Variants in CDCA8 observed in about 807,000 individuals in gnomAD.
CDCA8 encodes the protein cell division cycle associated 8.
In CDCA8, 25 loss-of-function variants were observed where a neutral mutation model predicts 40.0. The observed-to-expected ratio is 0.63, with a 90% CI of 0.46 to 0.87. CDCA8 has a LOEUF of 0.87. Ranked by LOEUF, CDCA8 falls within the 40% of genes least tolerant of loss-of-function variation. CDCA8 has a pLI of 0.00. For synonymous variants in CDCA8, 111 were observed against 126.5 expected, an observed-to-expected ratio of 0.88 and a Z score of 0.82; for missense variants, 280 against 348.4, an observed-to-expected ratio of 0.80 and a Z score of 1.56.
At chr1:37,706,690 G>A (rs1017706898) in intron 8 of CDCA8, among the ~76,000 whole-genome samples, 2 of 152,226 alleles carry the variant, frequency 1.3e-5, no homozygotes, top group Non-Finnish European at 2.9e-5. Context: ...TGCATGGAGC[G>A]AGTTGCTGAC....
In CDCA8 at chr1:37,708,393, T is replaced by C; in HGVS notation, c.*27T>C. 6.2e-7 allele frequency: 1 copy of C among 1,608,826 alleles called. No homozygotes were observed. Among genetic ancestry groups the C allele is most frequent in the Non-Finnish European group, 8.5e-7 (1 of 1,175,178 alleles). ...ACACCAAAGTTGACAGGATGGACTT[T>C]TAATGGGCACTTCTGGGACCCTGAA... On this transcript the variant is annotated 3_prime_UTR_variant, in exon 10 of 10. Transcript: ENST00000373055.
At chr1:37,702,744 G>T (rs1474676287) in intron 6 of CDCA8, among the ~76,000 whole-genome samples, 1 of 152,100 alleles carries the variant, frequency 6.6e-6, no homozygotes, top group Non-Finnish European at 1.5e-5. Flanking sequence ...TTGAGGTCAG[G>T]AGTTTGAGAC....
rs1645474077 is a variant in CDCA8 at position 37,692,611 on chromosome 1, C to T, written c.-80C>T. 1 of 1,156,314 alleles carries T rather than the reference C, an allele frequency of 8.6e-7. No homozygotes were observed. The highest frequency in any genetic ancestry group is 1.3e-6 in the Non-Finnish European group (1 of 785,766). 71.6% of individuals were successfully genotyped at this position (1,156,314 alleles called of 1,614,324 possible). A position where few individuals can be genotyped will look rare whatever the true frequency, so the allele number is the denominator to read the frequency against. On this transcript the variant is annotated 5_prime_UTR_variant, in exon 1 of 10. Transcript: ENST00000373055. ...CCTGGCGACTTCTTCGGGTGGTCCCCGTCCGCCCTCCTCGTCCCTACCCAG... is the reference window on the plus strand; with the variant it reads ...CCTGGCGACTTCTTCGGGTGGTCCCTGTCCGCCCTCCTCGTCCCTACCCAG...
At chr1:37,695,723 C>T (rs1645522136) in intron 2 of CDCA8, among the ~76,000 whole-genome samples, 187 bp from the exon 3 acceptor site, 1 of 152,094 alleles carries the variant, frequency 6.6e-6, no homozygotes, top group South Asian at 2.1e-4. Flanking sequence ...ATACAAAGTA[C>T]CATGGCAACA....
chr1:37,706,278 T>C (rs1055554623), intron 8 of CDCA8, among the ~76,000 whole-genome samples: 2 of 151,866 alleles, frequency 1.3e-5, no homozygotes, highest in Middle Eastern at 3.2e-3. Flanking sequence ...CGGCTAATTT[T>C]TGTATTTTTA....
Position 37,694,768 on chromosome 1 carries a change from G to A in CDCA8, c.224-1142G>A, listed in dbSNP as rs369000444. Reference sequence around the variant, plus strand: ...AGTGGGATAGTCTGTTTGAACCCAGGTATTCTGGTTTCATAGCCTGAGATC... The same window carrying A: ...AGTGGGATAGTCTGTTTGAACCCAGATATTCTGGTTTCATAGCCTGAGATC... On this transcript the variant is annotated intron_variant, in intron 2 of 9. Coordinates refer to ENST00000373055, the MANE Select transcript of CDCA8 (RefSeq NM_001256875.2). Among the ~76,000 whole-genome samples, 371 of 152,326 alleles carry A rather than the reference G, an allele frequency of 2.4e-3. 1 individual carries two copies. Among genetic ancestry groups the A allele is most frequent in the African/African-American group, 8.5e-3 (354 of 41,578 alleles).
At chr1:37,693,513 C>A (rs1047562911) in intron 2 of CDCA8, among the ~76,000 whole-genome samples, 2 of 152,098 alleles carry the variant, frequency 1.3e-5, no homozygotes, top group Non-Finnish European at 2.9e-5. Flanking sequence ...ATTCTCCTGC[C>A]TCAGCCTCTG....
chr1:37,697,031 T>C (rs1295106928), intron 3 of CDCA8, among the ~76,000 whole-genome samples: 1 of 152,230 alleles, frequency 6.6e-6, no homozygotes, highest in Non-Finnish European at 1.5e-5. Context: ...CTTTTTAAAT[T>C]AGAAATACAG....
At chr1:37,704,765 A>T (rs1360945369) in intron 7 of CDCA8, among the ~76,000 whole-genome samples, 1 of 147,378 alleles carries the variant, frequency 6.8e-6, no homozygotes, top group Admixed American at 7.1e-5. Context: ...CTCCTGCCTC[A>T]GCCTCCTGAG....
intron 8 of CDCA8, 129 bp downstream of exon 8, chr1:37,705,696 G>GAGTCC: frequency 9.4e-7 from 1 of 1,061,052 alleles, no homozygotes; most frequent in Non-Finnish European, 1.4e-6. Flanking sequence ...CCACACTTCT[G>GAGTCC]CGGGACTCAG....
chr1:37,701,152 T>G (rs553074973), intron 5 of CDCA8, among the ~76,000 whole-genome samples: 10 of 152,042 alleles, frequency 6.6e-5, no homozygotes. Context: ...ATTTGAGAGA[T>G]ACACTGCCTC....
chr1:37,699,741 AC>A (rs1482002303), intron 4 of CDCA8, among the ~76,000 whole-genome samples: 3 of 152,014 alleles, frequency 2.0e-5, no homozygotes, highest in African/African-American at 7.2e-5. Flanking sequence ...AATACGGTGA[AC>A]CCCCGTCTCT....
At chr1:37,700,163 C>T (rs1363559263) in intron 4 of CDCA8, among the ~76,000 whole-genome samples, 5 of 152,146 alleles carry the variant, frequency 3.3e-5, no homozygotes, top group South Asian at 4.1e-4. Flanking sequence ...GCCAGGATTT[C>T]GGGGCTACAC....
chr1:37,702,874 C>T (rs1329044635), intron 6 of CDCA8, among the ~76,000 whole-genome samples: 1 of 151,824 alleles, frequency 6.6e-6, no homozygotes, highest in Non-Finnish European at 1.5e-5. Flanking sequence ...ATCGCTTGAA[C>T]CCAGGAGGTG....
At position 37,696,423 on chromosome 1, in the gene CDCA8, T is replaced by C. The variant is rs945241268; in HGVS notation, c.264+473T>C. Among the ~76,000 whole-genome samples, 1 of 152,218 alleles carries C rather than the reference T, an allele frequency of 6.6e-6. No individual in the cohort carries two copies. The highest frequency in any genetic ancestry group is 6.5e-5 in the Admixed American group (1 of 15,280). ...CAAAATAGAGCATTTAAAGCTGCAC[T>C]GTCCAGTGTAGTAGCCACTGGGCAT... On this transcript the variant is annotated intron_variant, in intron 3 of 9. Coordinates refer to ENST00000373055, the MANE Select transcript of CDCA8 (RefSeq NM_001256875.2). The surrounding 1 kb of genome is among the most constrained non-coding windows in gnomAD (Gnocchi z 5.0).
Position 37,692,996 on chromosome 1 carries a change from C to T in CDCA8, c.186C>T (p.Pro62=). 6.2e-7 allele frequency: 1 copy of T among 1,614,062 alleles called. No individual in the cohort carries two copies. Among genetic ancestry groups the T allele is most frequent in the Non-Finnish European group, 8.5e-7 (1 of 1,179,982 alleles). ...ACAACATCGAGATCCTGCGGCTCCC[C>T]AAGGCTCTGCGCGAGATGAACTGGC... The part of the protein sequence containing the change: ...NLYNIEILRL[P]KALREMNWLD... The change falls in exon 2 of 10, where the codon CCC becomes CCT. Residue 62 remains proline, a synonymous_variant. Coordinates refer to ENST00000373055, the MANE Select transcript of CDCA8 (RefSeq NM_001256875.2).
At position 37,709,254 on chromosome 1, in the gene CDCA8, C is replaced by T. The variant is rs1645623385; in HGVS notation, c.*888C>T. 6.6e-6 allele frequency: 1 copy of T among 152,136 alleles called. No homozygotes were observed. Among genetic ancestry groups the T allele is most frequent in the South Asian group, 2.1e-4 (1 of 4,824 alleles). 9.4% of individuals were successfully genotyped at this position (152,136 alleles called of 1,614,324 possible). ...CTAAGCTATCCATGGTCCAGTGGTCCCTGCCAAGTCTGTAGACTTCAGAGA... is the reference window on the plus strand; with the variant it reads ...CTAAGCTATCCATGGTCCAGTGGTCTCTGCCAAGTCTGTAGACTTCAGAGA... On this transcript the variant is annotated 3_prime_UTR_variant, in exon 10 of 10. Transcript: ENST00000373055.
intron 9 of CDCA8, 95 bp from the exon 10 acceptor site, chr1:37,708,223 CAGAT>C: frequency 1.0e-6 from 1 of 1,003,770 alleles, no homozygotes; most frequent in Non-Finnish European, 1.6e-6. Flanking sequence ...ATGTGTGATA[CAGAT>C]AGAGAATGGA....
chr1:37,702,960 A>AG (rs1362621463), intron 6 of CDCA8, among the ~76,000 whole-genome samples: 1 of 151,862 alleles, frequency 6.6e-6, no homozygotes, highest in East Asian at 1.9e-4. Context: ...TCAAAAAAAA[A>AG]AAAAAAAGTC....
Sources: gnomAD v4.1 joint callset for allele counts (sites outside exome capture counted in the v4.1 genomes callset) on GRCh38, gnomAD v4.1.1 for gene constraint, Gnocchi (gnomAD v3.1) non-coding constraint, MANE v1.5 for transcripts, NCBI Gene and HGNC (gene_info 2026-07-23, HGNC 2026-07-21) for gene names.